CD163: variants seen among roughly 807,000 people sequenced by gnomAD.
The protein encoded by CD163 is scavenger receptor cysteine-rich type 1 protein M130.
A neutral mutation model predicts 129.2 loss-of-function variants in CD163; 64 were observed. The ratio of observed to expected loss-of-function variants is 0.50; its 90% CI spans 0.41 to 0.61. The LOEUF is 0.61. Ranked by LOEUF, CD163 falls within the 20% of genes least tolerant of loss-of-function variation. The probability of loss-of-function intolerance (pLI) is 0.00; values close to 1 mark genes in which losing one functional copy is unlikely to be tolerated. For synonymous variants in CD163, 446 were observed against 478.5 expected, an observed-to-expected ratio of 0.93 and a Z score of 0.89; for missense variants, 1,061 against 1,377.9, an observed-to-expected ratio of 0.77 and a Z score of 3.64.
chr12:7,481,136 A>C, intron 15 of CD163, 25 bp downstream of exon 15: 1 of 1,612,870 alleles, frequency 6.2e-7, no homozygotes, highest in South Asian at 1.1e-5. Flanking sequence ...CCCCTGGGCA[A>C]TAGACCCTCC....
rs781525056 is a variant in CD163 at position 7,488,039 on chromosome 12, C to T, written c.1469G>A (p.Arg490His). Reference sequence around the variant, plus strand: ...CGTGTCACCATGCTTCACTTCAACACGTCCAGAACAGGGAATGTCCCCTCC... The same window carrying T: ...CGTGTCACCATGCTTCACTTCAACATGTCCAGAACAGGGAATGTCCCCTCC... ...LVGGDIPCSG[R>H]VEVKHGDTWG... is the part of the protein sequence containing the mutation. The change falls in exon 7 of 17, where the codon CGT becomes CAT. Residue 490 changes from arginine to histidine, a missense_variant. Physicochemically the swap from Arg to His is conservative, Grantham distance 29 (BLOSUM62 0). Transcript: ENST00000432237. 14 of 1,613,906 alleles carry T rather than the reference C, an allele frequency of 8.7e-6. No individual in the cohort carries two copies. The highest frequency in any genetic ancestry group is 8.3e-5 in the Admixed American group (5 of 60,004).
chr12:7,499,904 CATGT>C (rs900360714), intron 3 of CD163, among the ~76,000 whole-genome samples: 4 of 152,142 alleles, frequency 2.6e-5, no homozygotes, highest in African/African-American at 9.7e-5. Context: ...AGTAGTTTTA[CATGT>C]ATTATATCAT....
chr12:7,497,016 T>G lies in CD163; in HGVS notation c.896A>C (p.Asp299Ala). 1 of 1,614,086 alleles carries G rather than the reference T, an allele frequency of 6.2e-7. No homozygotes were observed. The highest frequency in any genetic ancestry group is 8.5e-7 in the Non-Finnish European group (1 of 1,179,996). Reference sequence around the variant, plus strand: ...CAGTTGCTTGCATGCCACAGCAGCATCGTAACTGTCCCAGCCGTCATCACA... The same window carrying G: ...CAGTTGCTTGCATGCCACAGCAGCAGCGTAACTGTCCCAGCCGTCATCACA... ...TICDDGWDSY[D>A]AAVACKQLGC... Residue 299 changes from aspartate to alanine, a missense_variant, in exon 5 of 17, where the codon GAT (aspartate) becomes GCT (alanine). Coordinates refer to ENST00000432237, the MANE Select transcript of CD163 (RefSeq NM_203416.4).
In CD163 at chr12:7,501,142, A is replaced by G. The variant is rs777418397; in HGVS notation, c.454T>C (p.Ser152Pro). 1 of 1,613,824 alleles carries G rather than the reference A, an allele frequency of 6.2e-7. No homozygotes were observed. Among genetic ancestry groups the G allele is most frequent in the African/African-American group, 1.3e-5 (1 of 75,042 alleles). ...THQQDAGVTC[S>P]DGSNLEMRLT... The stretch of plus-strand genomic sequence containing the variant: ...CTTTGACTAATGCAAGTCTTACCTG[A>G]GCAGGTCACTCCAGCATCTTGTTGG... The change falls in exon 3 of 17, where the codon TCA becomes CCA. Residue 152 changes from serine to proline, a missense_variant. Transcript: ENST00000432237.
Position 7,495,241 on chromosome 12 carries a change from G to A in CD163, c.1260C>T (p.Leu420=). The part of the protein sequence containing the change: ...VCRQLGCGSA[L]KTSYQVYSKI... ...TGGAGTACACTTGATAAGATGTTTT[G>A]AGTGCAGATCCACATCCCAGCTGCC... Residue 420 remains leucine, a synonymous_variant, in exon 6 of 17, where the codon CTC becomes CTT. Coordinates refer to ENST00000432237, the MANE Select transcript of CD163 (RefSeq NM_203416.4). 1 of 1,614,046 alleles carries A rather than the reference G, an allele frequency of 6.2e-7. No homozygotes were observed. The highest frequency in any genetic ancestry group is 8.5e-7 in the Non-Finnish European group (1 of 1,179,998).
intron 15 of CD163, 192 bp from the exon 16 acceptor site, chr12:7,480,105 G>A: frequency 3.0e-6 from 3 of 1,013,596 alleles, no homozygotes; most frequent in South Asian, 1.7e-5. Context: ...AGAAAAGCAT[G>A]TGTGATTTAA....
At chr12:7,492,361 G>A (rs1259722744) in intron 6 of CD163, among the ~76,000 whole-genome samples, 1 of 152,100 alleles carries the variant, frequency 6.6e-6, no homozygotes, top group African/African-American at 2.4e-5. Flanking sequence ...TTTAGAACAT[G>A]TTACCATAAG....
At position 7,487,671 on chromosome 12, in the gene CD163, ATCC is replaced by A; in HGVS notation, c.1736-1_1737del. ...CCATTCACCAAGCGAATTTCTGTGTATCCTGGAAGGAGACAGGGCTTTAGAAAA... is the reference window on the plus strand; with the variant it reads ...CCATTCACCAAGCGAATTTCTGTGTATGGAAGGAGACAGGGCTTTAGAAAA... On this transcript the variant is annotated splice_acceptor_variant and coding_sequence_variant, in exon 8 of 17. Transcript: ENST00000432237. LOFTEE classifies it high-confidence loss of function. The surrounding 1 kb of genome is among the most constrained non-coding windows in gnomAD (Gnocchi z 5.1). The A allele has an allele frequency of 3.1e-6, 5 of 1,614,164 alleles. No individual in the cohort carries two copies. Among genetic ancestry groups the A allele is most frequent in the Non-Finnish European group, 4.2e-6 (5 of 1,180,006 alleles).
intron 11 of CD163, 150 bp from the exon 12 acceptor site, chr12:7,483,825 G>GTATATATATATATATATA (rs746624782): frequency 1.2e-4 from 8 of 68,416 alleles, no homozygotes; most frequent in African/African-American, 3.5e-4. Flanking sequence ...ATATATATAT[G>GTATATATATATATATATA]TATATATATA....
rs771418068 is a variant in CD163, at chr12:7,498,890, C to T, written c.756G>A (p.Glu252=). The change falls in exon 4 of 17, where the codon GAG becomes GAA. Residue 252 remains glutamate (E), a synonymous_variant. Coordinates refer to ENST00000432237, the MANE Select transcript of CD163 (RefSeq NM_203416.4). ...GWGKHNCDHA[E]DAGVICSKGA... ...TACTTGAGCAAATCACTCCAGCATC[C>T]TCAGCATGATCACAGTTATGCTTTC... 3.5e-5 allele frequency: 56 copies of T among 1,613,970 alleles called. No individual in the cohort carries two copies. Among genetic ancestry groups the T allele is most frequent in the Non-Finnish European group, 4.7e-5 (56 of 1,179,916 alleles).
At chr12:7,479,534 CGATGTA>C (rs1363069098) in intron 16 of CD163, among the ~76,000 whole-genome samples, 1 of 151,992 alleles carries the variant, frequency 6.6e-6, no homozygotes, top group Admixed American at 6.6e-5. Context: ...ATGTATTATA[CGATGTA>C]GATGTATAAT....
Position 7,487,414 on chromosome 12 carries a change from A to T in CD163, c.1995T>A (p.Thr665=). ...AAGGACATAATGAAGCACCTAGAGC[A>T]GTTACAGGACAATCTCCCATGTGCT... ...TEQHMGDCPV[T]ALGASLCPSE... The change falls in exon 8 of 17, where the codon ACT becomes ACA. Residue 665 remains threonine (T), a synonymous_variant. Transcript: ENST00000432237. The surrounding 1 kb of genome is among the most constrained non-coding windows in gnomAD (Gnocchi z 5.1). 2 of 1,612,766 alleles carry T rather than the reference A, an allele frequency of 1.2e-6. No homozygotes were observed. The highest frequency in any genetic ancestry group is 1.1e-5 in the South Asian group (1 of 90,778).
Position 7,496,245 on chromosome 12 carries a change from C to A in CD163, c.1099+568G>T, listed in dbSNP as rs1333704249. The stretch of plus-strand genomic sequence containing the variant: ...CACAAGAACAGAAAACCAAACACTG[C>A]ATGTTCTCACTCATAACTGGGAGTT... On this transcript the variant is annotated intron_variant, in intron 5 of 16. Coordinates refer to ENST00000432237, the MANE Select transcript of CD163 (RefSeq NM_203416.4). This position sits in a 1 kb window ranked among gnomAD's most constrained non-coding sequence, Gnocchi z 4.8. Among the ~76,000 whole-genome samples, 1 of 151,966 alleles carries A rather than the reference C, an allele frequency of 6.6e-6. No homozygotes were observed. The highest frequency in any genetic ancestry group is 1.5e-5 in the Non-Finnish European group (1 of 68,014).
chr12:7,501,766 G>A (rs147052984), intron 2 of CD163, among the ~76,000 whole-genome samples: 238 of 152,180 alleles, frequency 1.6e-3, no homozygotes, highest in African/African-American at 5.3e-3. Context: ...AAGCATTTTC[G>A]AGTTAAATAA....
At chr12:7,477,775 C>T (rs1279468591) in intron 16 of CD163, among the ~76,000 whole-genome samples, 1 of 152,082 alleles carries the variant, frequency 6.6e-6, no homozygotes, top group Non-Finnish European at 1.5e-5. Context: ...AAAGAATCGT[C>T]ATTTTTTAAA....
intron 4 of CD163, among the ~76,000 whole-genome samples, chr12:7,497,739 G>A (rs1038658868): frequency 6.6e-6 from 1 of 152,124 alleles, no homozygotes; most frequent in South Asian, 2.1e-4. Flanking sequence ...GGCAGTTTCC[G>A]TTTTCATTCC....
chr12:7,482,814 A>G (rs1949181353), intron 13 of CD163, 52 bp from the exon 14 acceptor site: 6 of 1,606,214 alleles, frequency 3.7e-6, no homozygotes, highest in Non-Finnish European at 5.1e-6. Flanking sequence ...CGAAAAGATC[A>G]AGGTCCCTAG....
At chr12:7,498,280 G>A (rs1002544970) in intron 4 of CD163, among the ~76,000 whole-genome samples, 6 of 152,080 alleles carry the variant, frequency 3.9e-5, no homozygotes, top group African/African-American at 1.4e-4. Flanking sequence ...GAAAAACGAA[G>A]AGTGGTATCT....
intron 6 of CD163, among the ~76,000 whole-genome samples, chr12:7,493,198 G>C (rs1275589570): frequency 6.6e-6 from 1 of 152,152 alleles, no homozygotes; most frequent in Non-Finnish European, 1.5e-5. Context: ...GTTGTGAAAG[G>C]TGTGCTGTCC....
Sources: allele counts gnomAD v4.1 joint callset (sites outside exome capture counted in the v4.1 genomes callset), GRCh38; gene constraint gnomAD v4.1.1; non-coding constraint Gnocchi (gnomAD v3.1); transcripts MANE v1.5; gene names NCBI Gene and HGNC (gene_info 2026-07-23, HGNC 2026-07-21).